RGPD3: variants seen among roughly 807,000 people sequenced by gnomAD.
RGPD3 encodes the protein ranBP2-like and GRIP domain-containing protein 3.
In RGPD3, 62 loss-of-function variants were observed where a neutral mutation model predicts 154.5. The ratio of observed to expected loss-of-function variants is 0.40; its 90% CI spans 0.33 to 0.50. RGPD3 has a LOEUF of 0.50. Ranked by LOEUF, RGPD3 falls within the 20% of genes least tolerant of loss-of-function variation. RGPD3 has a pLI of 0.59. For synonymous variants in RGPD3, 308 were observed against 607.0 expected, an observed-to-expected ratio of 0.51 and a Z score of 7.24; for missense variants, 919 against 1,716.8, an observed-to-expected ratio of 0.54 and a Z score of 8.21.
At chr2:106,417,848 G>A (rs904384177) in intron 20 of RGPD3, among the ~76,000 whole-genome samples, 42 of 151,200 alleles carry the variant, frequency 2.8e-4, no homozygotes, top group Admixed American at 5.3e-4. Flanking sequence ...TAGTCATCAA[G>A]GCCGGGCGTG....
Position 106,413,188 on chromosome 2 carries a change from A to G in RGPD3, c.5162T>C (p.Ile1721Thr). 1 of 1,612,000 alleles carries G rather than the reference A, an allele frequency of 6.2e-7. No homozygotes were observed. The highest frequency in any genetic ancestry group is 8.5e-7 in the Non-Finnish European group (1 of 1,179,856). Residue 1721 changes from isoleucine (I) to threonine (T), a missense_variant, in exon 22 of 23, where the codon ATT becomes ACT. Transcript: ENST00000409886. ...EHLKNVLLQFIFLKPGSERER... is the reference protein window; with the variant it reads ...EHLKNVLLQFTFLKPGSERER... The stretch of plus-strand genomic sequence containing the variant: ...TCTTTCACTACCTGGCTTCAAGAAA[A>G]TGAACTGCAGCAAGACGTTCTTCAA...
chr2:106,445,084 C>T (rs71239662), intron 7 of RGPD3, among the ~76,000 whole-genome samples: 1,298 of 130,452 alleles, frequency 1.0e-2, no homozygotes, highest in Middle Eastern at 0.03. Flanking sequence ...GTCAGGAGAT[C>T]GAGACCATCC....
chr2:106,451,744 C>T (rs1278036132), intron 6 of RGPD3, among the ~76,000 whole-genome samples: 1 of 151,822 alleles, frequency 6.6e-6, no homozygotes, highest in African/African-American at 2.4e-5. Flanking sequence ...AGGTAAATCA[C>T]ATAGTTCAGT....
Position 106,468,290 on chromosome 2 carries a change from G to A in RGPD3, c.-2C>T, listed in dbSNP as rs772578064. On this transcript the variant is annotated 5_prime_UTR_variant, in exon 1 of 23. Coordinates refer to ENST00000409886, the MANE Select transcript of RGPD3 (RefSeq NM_001144013.2). Reference sequence around the variant, plus strand: ...CCCGTAGGCCTTGCTGCAACTCATCGCGCCACCAACCTGGCTCCCGAGATG... The same window carrying A: ...CCCGTAGGCCTTGCTGCAACTCATCACGCCACCAACCTGGCTCCCGAGATG... 4.4e-6 allele frequency: 7 copies of A among 1,604,142 alleles called. No individual in the cohort carries two copies. In the African/African-American group the frequency reaches 8.0e-5, roughly 18 times the overall value.
At chr2:106,418,159 C>A (rs1296941106) in intron 20 of RGPD3, among the ~76,000 whole-genome samples, 1 of 144,510 alleles carries the variant, frequency 6.9e-6, no homozygotes, top group Non-Finnish European at 1.5e-5. Flanking sequence ...AAAACTTAGT[C>A]ATCAAACTTT....
chr2:106,407,498 C>G (rs1409405938), intron 22 of RGPD3, among the ~76,000 whole-genome samples: 2 of 151,344 alleles, frequency 1.3e-5, no homozygotes, highest in African/African-American at 2.4e-5. Context: ...TTATGTGTTC[C>G]AAGTGAGGTA....
chr2:106,463,208 G>T (rs1678455087), intron 1 of RGPD3, among the ~76,000 whole-genome samples: 1 of 147,436 alleles, frequency 6.8e-6, no homozygotes, highest in African/African-American at 2.5e-5. Flanking sequence ...TTCAAACTCA[G>T]AATTCGATAA....
chr2:106,467,064 G>A (rs1678635303), intron 1 of RGPD3, among the ~76,000 whole-genome samples: 1 of 122,820 alleles, frequency 8.1e-6, no homozygotes, highest in African/African-American at 2.7e-5. Context: ...CCGGTCGGGA[G>A]CCATGACGCC....
chr2:106,436,254 A>G lies in RGPD3; in HGVS notation c.1635-8T>C, dbSNP rs766633156. 3 of 1,611,958 alleles carry G rather than the reference A, an allele frequency of 1.9e-6. No homozygotes were observed. The highest frequency in any genetic ancestry group is 2.7e-5 in the African/African-American group (2 of 74,976). ...TTTGCTGAGTTTCCAGGTCTAAAAA[A>G]TAGTTCAATTTACTAAAATTGCTTT... On this transcript the variant is annotated splice_region_variant and splice_polypyrimidine_tract_variant and intron_variant, in intron 11 of 22. Coordinates refer to ENST00000409886, the MANE Select transcript of RGPD3 (RefSeq NM_001144013.2).
chr2:106,463,453 C>A (rs1476050399), intron 1 of RGPD3, among the ~76,000 whole-genome samples: 4 of 151,522 alleles, frequency 2.6e-5, no homozygotes, highest in South Asian at 2.1e-4. Context: ...CCAGCCTGGG[C>A]AACAGAGCAA....
chr2:106,424,609 G>T lies in RGPD3; in HGVS notation c.3358C>A (p.Leu1120Met). The stretch of plus-strand genomic sequence containing the variant: ...CTATCTGATCCAGAGAGGGGCTTCA[G>T]GTTCATTGTAGTCGTTATCCAATGA... The part of the protein sequence containing the change: ...ANHWITTTMN[L>M]KPLSGSDRAW... The change falls in exon 20 of 23, where the codon CTG becomes ATG. Residue 1120 changes from leucine to methionine, a missense_variant. By Grantham distance (15) the Leu-to-Met change is conservative. Transcript: ENST00000409886. 1 of 1,611,692 alleles carries T rather than the reference G, an allele frequency of 6.2e-7. No homozygotes were observed. The highest frequency in any genetic ancestry group is 8.5e-7 in the Non-Finnish European group (1 of 1,179,838).
In RGPD3 at chr2:106,404,463, CTT is replaced by C. The variant is rs1442832798; in HGVS notation, c.*754_*755del. On this transcript the variant is annotated 3_prime_UTR_variant, in exon 23 of 23. Transcript: ENST00000409886. ...AGCAAATAACTAAACTGTATTTTAA[CTT>C]AGCACAATTAACTGCAGCATATTTA... 3.5e-5 allele frequency among the ~76,000 whole-genome samples: 5 copies of C among 142,194 alleles called. No individual in the cohort carries two copies. The highest frequency in any genetic ancestry group is 1.1e-4 in the African/African-American group (4 of 36,968). The allele number at this position is 142,194 out of a possible 152,430, so 93.3% of individuals were successfully genotyped here. A position where few individuals can be genotyped will look rare whatever the true frequency, so the allele number is the denominator to read the frequency against.
chr2:106,407,257 T>C (rs1180517204), intron 22 of RGPD3, among the ~76,000 whole-genome samples: 29 of 152,172 alleles, frequency 1.9e-4, no homozygotes, highest in African/African-American at 5.3e-4. Flanking sequence ...GCTAGCAAGA[T>C]AGAAGCCACA....
At chr2:106,450,562 C>T (rs1678082152) in intron 6 of RGPD3, among the ~76,000 whole-genome samples, 1 of 135,968 alleles carries the variant, frequency 7.4e-6, no homozygotes, top group Non-Finnish European at 1.6e-5. Flanking sequence ...CCTCAGGGCC[C>T]TCCTGGGGCT....
rs544083478 is a variant in RGPD3, at chr2:106,461,379, TA to T, written c.73-2048del. Reference sequence around the variant, plus strand: ...TGCAATACTCCAACAATTGATCTGATAACTGAGATGGCTAGTATGTAACTAG... The same window carrying T: ...TGCAATACTCCAACAATTGATCTGATACTGAGATGGCTAGTATGTAACTAG... On this transcript the variant is annotated intron_variant, in intron 1 of 22. Transcript: ENST00000409886. Among the ~76,000 whole-genome samples, 70 of 152,096 alleles carry T rather than the reference TA, an allele frequency of 4.6e-4. 1 individual carries two copies. Among genetic ancestry groups the T allele is most frequent in the African/African-American group, 1.6e-3 (66 of 41,496 alleles).
chr2:106,441,710 A>C (rs1239431474), intron 7 of RGPD3, among the ~76,000 whole-genome samples: 1 of 150,620 alleles, frequency 6.6e-6, no homozygotes, highest in Non-Finnish European at 1.5e-5. Context: ...AAAAAAAAAA[A>C]CAAAGAGCCA....
At chr2:106,455,128 A>G (rs1483998015) in intron 4 of RGPD3, among the ~76,000 whole-genome samples, 3 of 152,242 alleles carry the variant, frequency 2.0e-5, no homozygotes, top group Non-Finnish European at 2.9e-5. Flanking sequence ...AGATAGCACC[A>G]CTGCACTCCA....
At chr2:106,413,956 GA>G (rs1339958508) in intron 21 of RGPD3, among the ~76,000 whole-genome samples, 1 of 152,166 alleles carries the variant, frequency 6.6e-6, no homozygotes, top group East Asian at 1.9e-4. Context: ...ATGGGGCTCT[GA>G]AAATGGGCTG....
intron 1 of RGPD3, among the ~76,000 whole-genome samples, chr2:106,464,549 A>G (rs368003176): frequency 2.2e-3 from 334 of 150,062 alleles, no homozygotes; most frequent in East Asian, 4.7e-3. Context: ...AAATTTGATG[A>G]GCAACACAGC....
Sources: gnomAD v4.1 joint callset for allele counts (sites outside exome capture counted in the v4.1 genomes callset) on GRCh38, gnomAD v4.1.1 for gene constraint, MANE v1.5 for transcripts, NCBI Gene and HGNC (gene_info 2026-07-23, HGNC 2026-07-21) for gene names.